The following CFAP54 variants were observed in gnomAD, a reference collection of about 807,000 sequenced individuals.
CFAP54 encodes the protein cilia- and flagella-associated protein 54.
In CFAP54, 290 loss-of-function variants were observed where a neutral mutation model predicts 370.4. The ratio of observed to expected loss-of-function variants is 0.78; its 90% CI spans 0.71 to 0.86. The LOEUF (loss-of-function observed/expected upper bound fraction) is 0.86, where lower values mean the gene tolerates loss of function less well. Among genes scored for constraint, CFAP54 ranks in the 40% least tolerant of loss-of-function variants. The probability of loss-of-function intolerance (pLI) is 0.00; values close to 1 mark genes in which losing one functional copy is unlikely to be tolerated. For synonymous variants in CFAP54, 1,206 were observed against 1,236.5 expected (o/e 0.98, Z 0.52); for missense variants, 3,399 against 3,528.7 (o/e 0.96, Z 0.93).
At chr12:96,870,358 G>A (rs1262307005) in intron 67 of CFAP54, among the ~76,000 whole-genome samples, 1 of 152,120 alleles carries the variant, frequency 6.6e-6, no homozygotes, top group African/African-American at 2.4e-5. Context: ...CCTCTAAGTT[G>A]TTTCCATCAA....
chr12:96,650,364 T>C lies in CFAP54; in HGVS notation c.4872+292T>C, dbSNP rs138991649. Among the ~76,000 whole-genome samples, 728 of 152,174 alleles carry C rather than the reference T, an allele frequency of 4.8e-3. 7 individuals carry two copies. Among genetic ancestry groups the C allele is most frequent in the African/African-American group, 0.017 (689 of 41,502 alleles). ...CCTGTTCATGCAGTTCCTATGAATA[T>C]GCATGCACCTCTCTGCCGAGACATG... On this transcript the variant is annotated intron_variant, in intron 35 of 67. Transcript: ENST00000524981.
At chr12:96,560,287 T>G (rs1234855953) in intron 17 of CFAP54, among the ~76,000 whole-genome samples, 1 of 152,184 alleles carries the variant, frequency 6.6e-6, no homozygotes, top group Non-Finnish European at 1.5e-5. Context: ...CCCCAATCCC[T>G]TCCCAGCCTC....
At chr12:96,579,831 T>G (rs1325993372) in intron 20 of CFAP54, among the ~76,000 whole-genome samples, 1 of 152,080 alleles carries the variant, frequency 6.6e-6, no homozygotes, top group Non-Finnish European at 1.5e-5. Flanking sequence ...ATTTTGTTGT[T>G]TCTGTGGGAT....
intron 15 of CFAP54, among the ~76,000 whole-genome samples, chr12:96,552,182 G>C (rs1304985896): frequency 6.8e-6 from 1 of 147,694 alleles, no homozygotes; most frequent in African/African-American, 2.5e-5. Context: ...GGAGGCAGAG[G>C]TTGCAGTGAG....
intron 19 of CFAP54, among the ~76,000 whole-genome samples, chr12:96,573,686 G>A (rs1459034674): frequency 6.6e-6 from 1 of 152,148 alleles, no homozygotes; most frequent in Non-Finnish European, 1.5e-5. Flanking sequence ...TGAAAAAGTG[G>A]AGGCAATGGA....
rs865783452 is a variant in CFAP54, at chr12:96,689,127, C to T, written c.6081+145C>T. 14 of 514,698 alleles carry T rather than the reference C, an allele frequency of 2.7e-5. No individual in the cohort carries two copies. In the Middle Eastern group the frequency reaches 2.4e-3, roughly 90 times the overall value. 31.9% of individuals were successfully genotyped at this position (514,698 alleles called of 1,614,324 possible). On this transcript the variant is annotated intron_variant, in intron 43 of 67. Coordinates refer to ENST00000524981, the MANE Select transcript of CFAP54 (RefSeq NM_001306084.2). ...ATATGACAAGCCCGTCTTTCTCTTG[C>T]TGGCTGAACCCCTGTGAGACTTTCA...
chr12:96,781,446 G>A (rs1958579871), intron 60 of CFAP54, among the ~76,000 whole-genome samples: 1 of 152,084 alleles, frequency 6.6e-6, no homozygotes, highest in Admixed American at 6.6e-5. Flanking sequence ...AAAGTAATTT[G>A]ATCATATTGA....
chr12:96,829,836 A>T (rs1959165329), intron 66 of CFAP54, among the ~76,000 whole-genome samples: 1 of 151,994 alleles, frequency 6.6e-6, no homozygotes, highest in Admixed American at 6.6e-5. Context: ...TCATCATTCC[A>T]AATAGAAACT....
chr12:96,691,065 T>C, intron 43 of CFAP54, 63 bp from the exon 44 acceptor site: 1 of 1,440,890 alleles, frequency 6.9e-7, no homozygotes, highest in Non-Finnish European at 9.6e-7. Context: ...TATTTATCTT[T>C]TTTGTTTCAT....
chr12:96,862,190 A>G (rs1314212997), intron 67 of CFAP54, among the ~76,000 whole-genome samples: 1 of 151,440 alleles, frequency 6.6e-6, no homozygotes, highest in African/African-American at 2.5e-5. Flanking sequence ...GAATTGTTCT[A>G]GAATATATGT....
chr12:96,773,009 C>T (rs1417337112), intron 60 of CFAP54, among the ~76,000 whole-genome samples: 6 of 126,564 alleles, frequency 4.7e-5, no homozygotes, highest in Non-Finnish European at 1.0e-4. Context: ...ATTCTGCCTC[C>T]CAGAGTCATT....
At position 96,743,347 on chromosome 12, in the gene CFAP54, G is replaced by C. The variant is rs1391541890; in HGVS notation, c.7220-55G>C. ...GATGAAAATTGGGGCTATTACACAT[G>C]TATAACTTCTGACTTTCTCAATGCA... is the stretch of plus-strand genomic sequence containing the variant. On this transcript the variant is annotated intron_variant, in intron 52 of 67. Transcript: ENST00000524981. 6.3e-6 allele frequency: 10 copies of C among 1,578,656 alleles called. No homozygotes were observed. In the Admixed American group the frequency reaches 1.7e-4, roughly 27 times the overall value.
intron 30 of CFAP54, among the ~76,000 whole-genome samples, chr12:96,628,932 A>G (rs1477230684): frequency 2.0e-5 from 3 of 152,160 alleles, no homozygotes; most frequent in Admixed American, 6.5e-5. Flanking sequence ...TAAATTCAAA[A>G]AAAAAAAATA....
At chr12:96,834,465 A>G (rs1959179833) in intron 66 of CFAP54, among the ~76,000 whole-genome samples, 2 of 152,234 alleles carry the variant, frequency 1.3e-5, no homozygotes, top group African/African-American at 4.8e-5. Flanking sequence ...GTGAGCAAGC[A>G]TGGGGTCTGG....
At chr12:96,507,784 A>G (rs1165839224) in intron 4 of CFAP54, among the ~76,000 whole-genome samples, 1 of 152,220 alleles carries the variant, frequency 6.6e-6, no homozygotes, top group Non-Finnish European at 1.5e-5. Context: ...GGCAACTGAA[A>G]GTATATTTTC....
intron 58 of CFAP54, among the ~76,000 whole-genome samples, chr12:96,760,687 C>T (rs1482767638): frequency 1.3e-5 from 2 of 152,184 alleles, no homozygotes; most frequent in Non-Finnish European, 2.9e-5. Flanking sequence ...CATGTACCGC[C>T]ATGCCCAGCT....
intron 50 of CFAP54, among the ~76,000 whole-genome samples, chr12:96,726,231 G>T (rs1392796737): frequency 6.7e-6 from 1 of 149,428 alleles, no homozygotes; most frequent in Admixed American, 6.7e-5. Context: ...CTATTGATTG[G>T]AATAGTTTCA....
intron 29 of CFAP54, among the ~76,000 whole-genome samples, chr12:96,626,045 A>G (rs1956546355): frequency 1.3e-5 from 2 of 152,186 alleles, no homozygotes; most frequent in East Asian, 1.9e-4. Context: ...TTATTTTGGT[A>G]GTGAATGGTG....
chr12:96,807,963 G>A (rs1958898543), intron 63 of CFAP54, among the ~76,000 whole-genome samples: 1 of 152,130 alleles, frequency 6.6e-6, no homozygotes, highest in Non-Finnish European at 1.5e-5. Flanking sequence ...CATGAATGTT[G>A]ACTTGCCCAT....
Sources: gnomAD v4.1 joint callset for allele counts (sites outside exome capture counted in the v4.1 genomes callset) on GRCh38, gnomAD v4.1.1 for gene constraint, MANE v1.5 for transcripts, NCBI Gene and HGNC (gene_info 2026-07-23, HGNC 2026-07-21) for gene names.